The following COL5A1 variants were observed in gnomAD, a reference collection of about 807,000 sequenced individuals.
COL5A1 encodes the protein collagen type V alpha 1 chain.
A neutral mutation model predicts 263.7 loss-of-function variants in COL5A1; 16 were observed. The observed-to-expected ratio is 0.06, with a 90% CI of 0.04 to 0.09. The LOEUF is 0.09. COL5A1 is among the 10% of genes least tolerant of loss of function. The pLI, the probability that COL5A1 is intolerant of heterozygous loss-of-function variation, is 1.00. For missense variants in COL5A1, 2,036 were observed against 2,540.5 expected, an observed-to-expected ratio of 0.80 and a Z score of 4.27; for synonymous variants, 1,012 against 1,004.5, an observed-to-expected ratio of 1.01 and a Z score of -0.14.
In COL5A1 at chr9:134,652,568, G is replaced by A. The variant is rs1177218430; in HGVS notation, c.109+10272G>A. 5 of 365,386 alleles carry A rather than the reference G, an allele frequency of 1.4e-5. No homozygotes were observed. The highest frequency in any genetic ancestry group is 8.1e-5 in the South Asian group (4 of 49,088). 22.6% of individuals were successfully genotyped at this position (365,386 alleles called of 1,614,324 possible). A position where few individuals can be genotyped will look rare whatever the true frequency, so the allele number is the denominator to read the frequency against. On this transcript the variant is annotated intron_variant, in intron 1 of 65. Coordinates refer to ENST00000371817, the MANE Select transcript of COL5A1 (RefSeq NM_000093.5). This position sits in a 1 kb window ranked among gnomAD's most constrained non-coding sequence, Gnocchi z 4.4. Reference sequence around the variant, plus strand: ...ACCTGGGGTGGGGGCAGGGCTATCGGCCTGTAGTTGGGGGAGTCCGAGGAT... The same window carrying A: ...ACCTGGGGTGGGGGCAGGGCTATCGACCTGTAGTTGGGGGAGTCCGAGGAT...
intron 20 of COL5A1, 123 bp downstream of exon 20, chr9:134,763,860 G>T (rs948098105): frequency 1.2e-5 from 12 of 966,530 alleles, no homozygotes; most frequent in Non-Finnish European, 1.9e-5. Context: ...CTCGACCTGA[G>T]AACAGACGGA....
rs894284223 is a variant in COL5A1, at chr9:134,716,533, T to C, written c.655-10733T>C. Among the ~76,000 whole-genome samples the C allele has an allele frequency of 6.6e-6, 1 of 152,206 alleles. No homozygotes were observed. Among genetic ancestry groups the C allele is most frequent in the Non-Finnish European group, 1.5e-5 (1 of 68,016 alleles). ...GCAGGCCTTTGTGAGGTCACCACCC[T>C]TTGGGTGGCGAGTCTTTGAGGAGGT... On this transcript the variant is annotated intron_variant, in intron 4 of 65. Coordinates refer to ENST00000371817, the MANE Select transcript of COL5A1 (RefSeq NM_000093.5). This position sits in a 1 kb window ranked among gnomAD's most constrained non-coding sequence, Gnocchi z 4.5.
chr9:134,666,487 G>A (rs1189649106), intron 1 of COL5A1, among the ~76,000 whole-genome samples: 3 of 152,232 alleles, frequency 2.0e-5, no homozygotes, highest in Non-Finnish European at 4.4e-5. Flanking sequence ...CAGTGGGCAT[G>A]AGCAGGCTTC....
intron 65 of COL5A1, among the ~76,000 whole-genome samples, chr9:134,840,246 T>C (rs1230304319): frequency 2.0e-5 from 3 of 152,220 alleles, no homozygotes; most frequent in African/African-American, 7.2e-5. Flanking sequence ...TTGAAAATCA[T>C]GCCAGGCTGA....
chr9:134,671,667 C>T (rs898660447), intron 1 of COL5A1, among the ~76,000 whole-genome samples: 3 of 152,150 alleles, frequency 2.0e-5, no homozygotes, highest in Admixed American at 6.5e-5. Flanking sequence ...TGGACGAGTG[C>T]GTGAAGGGTT....
chr9:134,657,535 G>A (rs1298782527), intron 1 of COL5A1, among the ~76,000 whole-genome samples: 2 of 85,252 alleles, frequency 2.3e-5, no homozygotes, highest in Non-Finnish European at 4.5e-5. Flanking sequence ...GTGGGGTGGG[G>A]GTGTAGTTTA....
intron 29 of COL5A1, among the ~76,000 whole-genome samples, chr9:134,783,764 A>G (rs1290198627): frequency 6.6e-6 from 1 of 152,210 alleles, no homozygotes; most frequent in Non-Finnish European, 1.5e-5. Flanking sequence ...AGGGGGAGGA[A>G]GGAGGGGATC....
chr9:134,834,121 A>T (rs1839758185), intron 64 of COL5A1, among the ~76,000 whole-genome samples: 1 of 152,080 alleles, frequency 6.6e-6, no homozygotes, highest in African/African-American at 2.4e-5. Flanking sequence ...AGTGTGGTGC[A>T]GCTGGGAGGG....
At position 134,796,860 on chromosome 9, in the gene COL5A1, C is replaced by T. The variant is rs773946732; in HGVS notation, c.2857C>T (p.Pro953Ser). The T allele has an allele frequency of 6.2e-7, 1 of 1,614,046 alleles. No homozygotes were observed. The highest frequency in any genetic ancestry group is 1.3e-5 in the African/African-American group (1 of 75,016). ...GPPGERGPNG[P>S]QGPTGFPGPK... ...TCTCTGTTCCCAGGGACCCAATGGA[C>T]CCCAAGGACCCACAGGATTTCCTGG... Residue 953 changes from proline (P) to serine (S), a missense_variant, in exon 36 of 66, where the codon CCC (proline) becomes TCC (serine). By Grantham distance (74) the Pro-to-Ser change is moderately conservative (BLOSUM62 -1). This residue lies in a region of COL5A1 where 1,078 missense variants were observed against 1,521.4 expected (regional missense o/e 0.71). Transcript: ENST00000371817.
chr9:134,828,819 ACAC>A (rs1171474885), intron 63 of COL5A1, among the ~76,000 whole-genome samples: 1 of 146,454 alleles, frequency 6.8e-6, no homozygotes, highest in Non-Finnish European at 1.5e-5. Flanking sequence ...TACCACACAC[ACAC>A]ACCACACATC....
chr9:134,809,308 T>C lies in COL5A1; in HGVS notation c.3474+18T>C, dbSNP rs747670643. ...GAGATAAGGTAAGGCAAATCCAGAGTGACCCATGGCTGGGCCTGGCTGGGC... is the reference window on the plus strand; with the variant it reads ...GAGATAAGGTAAGGCAAATCCAGAGCGACCCATGGCTGGGCCTGGCTGGGC... On this transcript the variant is annotated intron_variant, in intron 43 of 65. Coordinates refer to ENST00000371817, the MANE Select transcript of COL5A1 (RefSeq NM_000093.5). The C allele has an allele frequency of 2.1e-5, 34 of 1,583,268 alleles. No individual in the cohort carries two copies. Among genetic ancestry groups the C allele is most frequent in the Non-Finnish European group, 2.3e-5 (27 of 1,158,236 alleles).
chr9:134,823,608 C>A (rs1054060463), intron 61 of COL5A1, 139 bp downstream of exon 61: 1 of 831,948 alleles, frequency 1.2e-6, no homozygotes, highest in Non-Finnish European at 1.9e-6. Context: ...GTCCCTCGCA[C>A]GCAGCCGGGG....
At chr9:134,780,039 G>GAC in intron 27 of COL5A1, 63 bp from the exon 28 acceptor site, 1 of 1,593,096 alleles carries the variant, frequency 6.3e-7, no homozygotes, top group Non-Finnish European at 8.6e-7. Context: ...ACACGCCTGC[G>GAC]ACAGCTCTAG....
At chr9:134,801,852 G>A (rs1183944526) in intron 37 of COL5A1, 102 bp from the exon 38 acceptor site, 3 of 1,020,728 alleles carry the variant, frequency 2.9e-6, no homozygotes, top group Non-Finnish European at 4.7e-6. Context: ...ATCTACTCTG[G>A]GGGGAAGGGA....
At chr9:134,806,800 G>A (rs1250053893) in intron 42 of COL5A1, among the ~76,000 whole-genome samples, 1 of 152,144 alleles carries the variant, frequency 6.6e-6, no homozygotes, top group Non-Finnish European at 1.5e-5. Context: ...TTGGTTGGGG[G>A]GCAGGTGTAG....
intron 48 of COL5A1, among the ~76,000 whole-genome samples, 157 bp downstream of exon 48, chr9:134,812,869 T>C (rs553913069): frequency 1.6e-4 from 24 of 152,000 alleles, no homozygotes; most frequent in Non-Finnish European, 3.1e-4. Context: ...TACACAGAGA[T>C]GAGAAGTACT....
intron 1 of COL5A1, among the ~76,000 whole-genome samples, chr9:134,643,995 A>C (rs1035868083): frequency 6.6e-6 from 1 of 152,052 alleles, no homozygotes; most frequent in Non-Finnish European, 1.5e-5. Context: ...GCTCGTTGGA[A>C]GTGGGAGTGA....
At chr9:134,780,208 G>C (rs959492787) in intron 28 of COL5A1, 62 bp downstream of exon 28, 5 of 1,521,878 alleles carry the variant, frequency 3.3e-6, no homozygotes, top group Non-Finnish European at 4.6e-6. Flanking sequence ...TCCAGCCAGC[G>C]GGGCCCTCCC....
At chr9:134,816,195 C>T (rs543651106) in intron 52 of COL5A1, among the ~76,000 whole-genome samples, 1 of 152,354 alleles carries the variant, frequency 6.6e-6, no homozygotes, top group South Asian at 2.1e-4. Context: ...CTCATGAACT[C>T]CCTCTGAGAT....
Sources: gnomAD v4.1 joint callset for allele counts (sites outside exome capture counted in the v4.1 genomes callset) on GRCh38, gnomAD v4.1.1 for gene constraint, gnomAD v4.1.1 regional missense constraint, Gnocchi (gnomAD v3.1) non-coding constraint, MANE v1.5 for transcripts, NCBI Gene and HGNC (gene_info 2026-07-23, HGNC 2026-07-21) for gene names.